Variants in PARD3 observed in about 807,000 individuals in gnomAD.
The protein encoded by PARD3 is par-3 family cell polarity regulator, also known as partitioning defective 3 homolog.
In PARD3, 75 loss-of-function variants were observed where a neutral mutation model predicts 155.4. The observed-to-expected ratio is 0.48, with a 90% CI of 0.40 to 0.58. The LOEUF is 0.58. Ranked by LOEUF, PARD3 falls within the 20% of genes least tolerant of loss-of-function variation. The pLI is 0.00. For synonymous variants in PARD3, 576 were observed against 610.5 expected, an observed-to-expected ratio of 0.94 and a Z score of 0.83; for missense variants, 1,642 against 1,721.7, an observed-to-expected ratio of 0.95 and a Z score of 0.82.
At chr10:34,774,576 A>G (rs1216679932) in intron 1 of PARD3, among the ~76,000 whole-genome samples, 2 of 152,258 alleles carry the variant, frequency 1.3e-5, no homozygotes, top group Non-Finnish European at 2.9e-5. Context: ...TTGAATTAGT[A>G]TAAGTTAAAT....
chr10:34,584,263 T>C (rs1319526970), intron 2 of PARD3, among the ~76,000 whole-genome samples: 1 of 152,274 alleles, frequency 6.6e-6, no homozygotes, highest in African/African-American at 2.4e-5. Flanking sequence ...CTTCCTAAAA[T>C]GAGGAATGAA....
intron 22 of PARD3, among the ~76,000 whole-genome samples, chr10:34,138,751 T>C (rs1948031091): frequency 6.6e-6 from 1 of 152,216 alleles, no homozygotes; most frequent in African/African-American, 2.4e-5. Flanking sequence ...GGCCATTTTC[T>C]TTTTGCTATC....
intron 19 of PARD3, among the ~76,000 whole-genome samples, chr10:34,329,922 AT>A (rs1835437578): frequency 6.6e-6 from 1 of 152,158 alleles, no homozygotes. Flanking sequence ...ATACATATAC[AT>A]TATATGTATA....
Position 34,456,340 on chromosome 10 carries a change from A to C in PARD3, c.583-5892T>G, listed in dbSNP as rs965350395. ...AGACGAAGTTTTGCTCTTGTGGCCC[A>C]GGCTGGAGTGCAGTGGCTCAATCTC... On this transcript the variant is annotated intron_variant, in intron 4 of 24. Transcript: ENST00000374788. 5.3e-5 allele frequency among the ~76,000 whole-genome samples: 8 copies of C among 152,100 alleles called. No individual in the cohort carries two copies. The East Asian group carries it at 9.6e-4, about 18-fold the overall frequency.
intron 20 of PARD3, among the ~76,000 whole-genome samples, chr10:34,292,720 T>A (rs923802079): frequency 2.3e-4 from 32 of 136,926 alleles, no homozygotes; most frequent in African/African-American, 7.2e-4. Context: ...TTTATTATTA[T>A]TATTTTTTTT....
Position 34,312,375 on chromosome 10 carries a change from T to G in PARD3, c.3065+4732A>C, listed in dbSNP as rs1957747699. 3 of 1,612,640 alleles carry G rather than the reference T, an allele frequency of 1.9e-6. No individual in the cohort carries two copies. In the African/African-American group the frequency reaches 4.0e-5, roughly 22 times the overall value. ...GTTCATCTCTTCTCGGGCTTCAGTT[T>G]GGCAAGGCTAAATGAGAGACACGGT... On this transcript the variant is annotated intron_variant, in intron 20 of 24. Coordinates refer to ENST00000374788, the MANE Select transcript of PARD3 (RefSeq NM_001184785.2).
rs75325682 is a variant in PARD3, at chr10:34,349,154, C to T, written c.2068-1039G>A. On this transcript the variant is annotated intron_variant, in intron 14 of 24. Transcript: ENST00000374788. ...TCACACAGCACAGCGGGAGAGAAGG[C>T]GCTCCTCTCACACATGAAACCACAA... is the stretch of plus-strand genomic sequence containing the variant. 3.6e-3 allele frequency among the ~76,000 whole-genome samples: 544 copies of T among 152,218 alleles called. 1 individual carries two copies. Among genetic ancestry groups the T allele is most frequent in the African/African-American group, 0.012 (502 of 41,534 alleles).
chr10:34,119,794 C>A, intron 23 of PARD3, 54 bp from the exon 24 acceptor site: 2 of 1,470,810 alleles, frequency 1.4e-6, no homozygotes, highest in South Asian at 1.4e-5. Flanking sequence ...GTACAGATCA[C>A]ACAACTGGTT....
chr10:34,714,063 T>C (rs1036740227), intron 1 of PARD3, among the ~76,000 whole-genome samples: 3 of 152,188 alleles, frequency 2.0e-5, no homozygotes, highest in South Asian at 4.1e-4. Context: ...ACAAGAGATG[T>C]TGACTCAGAC....
intron 5 of PARD3, among the ~76,000 whole-genome samples, chr10:34,436,844 G>C (rs901595575): frequency 6.6e-6 from 1 of 152,120 alleles, no homozygotes; most frequent in Non-Finnish European, 1.5e-5. Flanking sequence ...GGATACTGTA[G>C]TAGTATTTAT....
chr10:34,375,656 A>G (rs1380406316), intron 10 of PARD3, among the ~76,000 whole-genome samples: 1 of 152,216 alleles, frequency 6.6e-6, no homozygotes, highest in Admixed American at 6.5e-5. Context: ...AACAGGAAGT[A>G]TAACATCATT....
At chr10:34,591,225 A>G (rs2134364530) in intron 2 of PARD3, among the ~76,000 whole-genome samples, 1 of 152,244 alleles carries the variant, frequency 6.6e-6, no homozygotes, top group East Asian at 1.9e-4. Context: ...CTGCTTGCCA[A>G]TAATAAATAA....
intron 19 of PARD3, among the ~76,000 whole-genome samples, chr10:34,329,365 A>AG (rs1835374961): frequency 6.6e-6 from 1 of 152,196 alleles, no homozygotes; most frequent in Non-Finnish European, 1.5e-5. Context: ...ATATATATCA[A>AG]GGGGCCAAAG....
intron 4 of PARD3, among the ~76,000 whole-genome samples, chr10:34,461,496 C>CT (rs374168345): frequency 6.6e-6 from 1 of 151,414 alleles, no homozygotes; most frequent in African/African-American, 2.5e-5. Flanking sequence ...ATCCCAGCTA[C>CT]TGGGGGGGCT....
At chr10:34,550,505 G>A (rs972634991) in intron 2 of PARD3, among the ~76,000 whole-genome samples, 3 of 151,870 alleles carry the variant, frequency 2.0e-5, no homozygotes, top group African/African-American at 4.8e-5. Context: ...GAGCCATCTC[G>A]CCTGGCCTAC....
At chr10:34,717,705 C>T (rs2094541547) in intron 1 of PARD3, among the ~76,000 whole-genome samples, 1 of 152,060 alleles carries the variant, frequency 6.6e-6, no homozygotes, top group African/African-American at 2.4e-5. Flanking sequence ...TCTATATTTA[C>T]CATGTACTCT....
At chr10:34,279,156 T>C (rs972043427) in intron 21 of PARD3, among the ~76,000 whole-genome samples, 1 of 146,448 alleles carries the variant, frequency 6.8e-6, no homozygotes, top group African/African-American at 2.5e-5. Context: ...TTTTTTTTTT[T>C]TTTTTTTAGA....
chr10:34,269,774 TAAG>T lies in PARD3; in HGVS notation c.3299_3301del (p.Ser1100del). The stretch of plus-strand genomic sequence containing the variant: ...AGCGTTGAGAGCCATGGAACCTTCA[TAAG>T]AAGAAACTCCCCCATACATTAACTC... On this transcript the variant is annotated inframe_deletion, in exon 22 of 25. Transcript: ENST00000374788. 1.2e-6 allele frequency: 2 copies of T among 1,613,982 alleles called. No homozygotes were observed. Among genetic ancestry groups the T allele is most frequent in the Non-Finnish European group, 1.7e-6 (2 of 1,179,980 alleles).
intron 7 of PARD3, among the ~76,000 whole-genome samples, chr10:34,385,957 A>T (rs1051871604): frequency 6.6e-6 from 1 of 152,228 alleles, no homozygotes; most frequent in East Asian, 1.9e-4. Flanking sequence ...AAGTGAATAG[A>T]ATTTAGATTC....
Sources: allele counts gnomAD v4.1 joint callset (sites outside exome capture counted in the v4.1 genomes callset), GRCh38; gene constraint gnomAD v4.1.1; transcripts MANE v1.5; gene names NCBI Gene and HGNC (gene_info 2026-07-23, HGNC 2026-07-21).